CR1L: variants seen among roughly 807,000 people sequenced by gnomAD.
The protein encoded by CR1L is complement component receptor 1-like protein.
In CR1L, 59 loss-of-function variants were observed where a neutral mutation model predicts 62.3. That is an observed-to-expected ratio of 0.95 (90% CI 0.77 to 1.18). The LOEUF is 1.18. Ranked by LOEUF, CR1L falls within the 50% of genes most tolerant of loss-of-function variation. The pLI is 0.00. For synonymous variants in CR1L, 279 were observed against 248.7 expected (o/e 1.12, Z -1.15); for missense variants, 700 against 702.8 (o/e 1.00, Z 0.04).
Position 207,707,692 on chromosome 1 carries a change from CTT to C in CR1L, c.1329-485_1329-484del, listed in dbSNP as rs1664289114. On this transcript the variant is annotated intron_variant, in intron 9 of 11. Coordinates refer to ENST00000508064, the MANE Select transcript of CR1L (RefSeq NM_175710.2). ...TTTATTTCAATCCATTTGGTTTAAACTTCTTGTCAAAAAACCAAGTCTACTAG... is the reference window on the plus strand; with the variant it reads ...TTTATTTCAATCCATTTGGTTTAAACCTTGTCAAAAAACCAAGTCTACTAG... Among the ~76,000 whole-genome samples the C allele has an allele frequency of 2.0e-5, 3 of 151,718 alleles. 1 individual carries two copies. The East Asian group carries it at 5.8e-4, about 29-fold the overall frequency.
At position 207,714,857 on chromosome 1, in the gene CR1L, C is replaced by T. The variant is rs141237663; in HGVS notation, c.1415-2607C>T. Among the ~76,000 whole-genome samples the T allele has an allele frequency of 5.9e-5, 9 of 152,098 alleles. No individual in the cohort carries two copies. In the East Asian group the frequency reaches 1.2e-3, roughly 20 times the overall value. On this transcript the variant is annotated intron_variant, in intron 10 of 11. Transcript: ENST00000508064. ...TTCTGGCCTGTTACATTTGGAGTGG[C>T]GAGAAGAACAGATATTCCTGGCTTT...
intron 10 of CR1L, chr1:207,710,935 G>A (rs537671423): frequency 3.7e-5 from 31 of 827,152 alleles, no homozygotes; most frequent in Middle Eastern, 3.8e-4. Context: ...AGAATCTGGG[G>A]TGTGCAAGCA....
chr1:207,663,028 C>T lies in CR1L; in HGVS notation c.98-14361C>T, dbSNP rs982133502. Reference sequence around the variant, plus strand: ...GGAAGTTTTGTCTCAGAGGAGTACCCGCTGTGTGAGGTGTCAGTCCGCCCC... The same window carrying T: ...GGAAGTTTTGTCTCAGAGGAGTACCTGCTGTGTGAGGTGTCAGTCCGCCCC... On this transcript the variant is annotated intron_variant, in intron 1 of 11. Transcript: ENST00000508064. Among the ~76,000 whole-genome samples the T allele has an allele frequency of 4.6e-5, 7 of 152,148 alleles. No individual in the cohort carries two copies. The East Asian group carries it at 9.7e-4, about 21-fold the overall frequency.
intron 9 of CR1L, among the ~76,000 whole-genome samples, chr1:207,703,712 A>G (rs1558023475): frequency 6.6e-6 from 1 of 152,188 alleles, no homozygotes; most frequent in Non-Finnish European, 1.5e-5. Context: ...ATCCCAGCAT[A>G]TTGGGAGACC....
rs1044327632 is a variant in CR1L at position 207,645,870 on chromosome 1, G to C, written c.97+540G>C. On this transcript the variant is annotated intron_variant, in intron 1 of 11. Coordinates refer to ENST00000508064, the MANE Select transcript of CR1L (RefSeq NM_175710.2). ...GCTGGGCGAGCAGGGGCCTGGCCAG[G>C]TGTTGCTGGGAGCGTGCTGTGCGCA... Among the ~76,000 whole-genome samples, 19 of 152,314 alleles carry C rather than the reference G, an allele frequency of 1.2e-4. No homozygotes were observed. The South Asian group carries it at 3.7e-3, about 30-fold the overall frequency.
intron 1 of CR1L, among the ~76,000 whole-genome samples, chr1:207,653,994 G>A (rs892004456): frequency 6.6e-6 from 1 of 152,066 alleles, no homozygotes; most frequent in Non-Finnish European, 1.5e-5. Context: ...AGGGGCTCTC[G>A]CTTTATAACA....
intron 11 of CR1L, 137 bp from the exon 12 acceptor site, chr1:207,723,481 A>C: frequency 2.8e-6 from 2 of 725,414 alleles, no homozygotes; most frequent in South Asian, 4.4e-5. Flanking sequence ...TATATGAGTG[A>C]AATCAATGGC....
Position 207,683,905 on chromosome 1 carries a change from C to A in CR1L, c.411C>A (p.Cys137Ter). 1 of 1,613,490 alleles carries A rather than the reference C, an allele frequency of 6.2e-7. No homozygotes were observed. The highest frequency in any genetic ancestry group is 8.5e-7 in the Non-Finnish European group (1 of 1,179,582). ...TCATTGGTTCCTCGTCTGCCACATG[C>A]ATCATCTCAGGCAACACTGTCATTT... is the stretch of plus-strand genomic sequence containing the variant. ...YRLIGSSSAT[C>*]IISGNTVIWD... Residue 137 changes from cysteine (C) to a stop codon, truncating the protein, a stop_gained, in exon 4 of 12, where the codon TGC (cysteine) becomes TGA (stop). Transcript: ENST00000508064. LOFTEE classifies it high-confidence loss of function.
At chr1:207,651,477 G>A (rs1437661150) in intron 1 of CR1L, among the ~76,000 whole-genome samples, 3 of 152,130 alleles carry the variant, frequency 2.0e-5, no homozygotes, top group South Asian at 4.1e-4. Context: ...TGACCAGGGA[G>A]TAAGAAAAGA....
chr1:207,689,583 T>C (rs777351849), intron 4 of CR1L, among the ~76,000 whole-genome samples: 1 of 152,162 alleles, frequency 6.6e-6, no homozygotes, highest in Non-Finnish European at 1.5e-5. Flanking sequence ...TTTATTTTAA[T>C]GTCCTTATCA....
intron 2 of CR1L, 115 bp downstream of exon 2, chr1:207,677,683 A>G: frequency 1.7e-6 from 2 of 1,208,684 alleles, no homozygotes; most frequent in Non-Finnish European, 2.3e-6. Context: ...CTAAGGTGCA[A>G]TACATATGAG....
intron 4 of CR1L, among the ~76,000 whole-genome samples, chr1:207,691,569 T>A (rs191545354): frequency 7.9e-5 from 12 of 152,262 alleles, no homozygotes; most frequent in Admixed American, 3.3e-4. Context: ...TTCATGTGTT[T>A]GTGCCTTTAT....
intron 1 of CR1L, among the ~76,000 whole-genome samples, chr1:207,664,026 A>T (rs373812152): frequency 1.3e-5 from 2 of 152,186 alleles, no homozygotes; most frequent in Non-Finnish European, 2.9e-5. Flanking sequence ...ATAGCAACTA[A>T]ATTTATAGCA....
chr1:207,660,837 A>G (rs139431514), intron 1 of CR1L, among the ~76,000 whole-genome samples: 4,273 of 152,198 alleles, frequency 0.028, 204 homozygotes, highest in African/African-American at 0.096. Context: ...AGATTCTGGT[A>G]TGTTGTGTTT....
intron 1 of CR1L, among the ~76,000 whole-genome samples, chr1:207,673,769 ACC>A (rs143410573): frequency 0.018 from 2,684 of 152,212 alleles, 67 homozygotes; most frequent in African/African-American, 0.061. Flanking sequence ...GTTTCTTAAA[ACC>A]TTACACACAC....
intron 1 of CR1L, among the ~76,000 whole-genome samples, chr1:207,654,592 C>T (rs10081975): frequency 0.044 from 6,635 of 152,178 alleles, 500 homozygotes; most frequent in African/African-American, 0.15. Context: ...TATTCCTATA[C>T]TCAATGAGCT....
intron 9 of CR1L, among the ~76,000 whole-genome samples, chr1:207,707,821 T>TAC (rs1664292707): frequency 1.5e-5 from 2 of 134,944 alleles, no homozygotes; most frequent in East Asian, 4.4e-4. Flanking sequence ...CACACACACA[T>TAC]ATTAAGGGAA....
chr1:207,715,883 T>A (rs192632407), intron 10 of CR1L, among the ~76,000 whole-genome samples: 41 of 152,174 alleles, frequency 2.7e-4, no homozygotes, highest in African/African-American at 9.9e-4. Flanking sequence ...TTTGTAGAGA[T>A]GGAGTCTTGC....
At chr1:207,655,663 C>T (rs1663296200) in intron 1 of CR1L, among the ~76,000 whole-genome samples, 1 of 152,106 alleles carries the variant, frequency 6.6e-6, no homozygotes, top group South Asian at 2.1e-4. Context: ...GTCTTGAACT[C>T]CCGTGCTCAA....
Sources: allele counts gnomAD v4.1 joint callset (sites outside exome capture counted in the v4.1 genomes callset), GRCh38; gene constraint gnomAD v4.1.1; transcripts MANE v1.5; gene names NCBI Gene and HGNC (gene_info 2026-07-23, HGNC 2026-07-21).